ABCA1: variants seen among roughly 807,000 people sequenced by gnomAD.
The protein encoded by ABCA1 is ATP binding cassette subfamily A member 1.
ABCA1 carries 133 observed loss-of-function variants against 262.5 expected under a neutral mutation model. The observed-to-expected ratio is 0.51, with a 90% confidence interval of 0.44 to 0.59. The LOEUF is 0.59. Among genes scored for constraint, ABCA1 ranks in the 20% least tolerant of loss-of-function variants. The probability of loss-of-function intolerance (pLI) is 0.00; values close to 1 mark genes in which losing one functional copy is unlikely to be tolerated. For missense variants in ABCA1, 2,452 were observed against 2,777.5 expected, an observed-to-expected ratio of 0.88 and a Z score of 2.63; for synonymous variants, 1,022 against 1,043.5, an observed-to-expected ratio of 0.98 and a Z score of 0.40.
In ABCA1 at chr9:104,832,151, C is replaced by A. The variant is rs554031012; in HGVS notation, c.1510-324G>T. Among the ~76,000 whole-genome samples the A allele has an allele frequency of 2.6e-3, 389 of 152,210 alleles. 1 individual carries two copies. Among genetic ancestry groups the A allele is most frequent in the Non-Finnish European group, 4.0e-3 (270 of 67,996 alleles). On this transcript the variant is annotated intron_variant, in intron 12 of 49. Transcript: ENST00000374736. ...ATAGCAACTAACCAACCAACCAGAC[C>A]AAAACACCTCTTACCCATCCCTACT...
At chr9:104,810,772 C>G (rs368312155) in intron 29 of ABCA1, 28 bp downstream of exon 29, 98 of 1,614,030 alleles carry the variant, frequency 6.1e-5, no homozygotes, top group Middle Eastern at 1.6e-4. Flanking sequence ...AATCTTACCC[C>G]CTCCTGGGAT....
At position 104,822,468 on chromosome 9, in the gene ABCA1, T is replaced by C. The variant is rs754082628; in HGVS notation, c.2828+28A>G. 2.9e-5 allele frequency: 47 copies of C among 1,612,470 alleles called. No individual in the cohort carries two copies. In the South Asian group the frequency reaches 4.7e-4, roughly 16 times the overall value. ...TACTGCAGAACCCTCCTGTGGCTGA[T>C]TCTGCGGGAACCACACCCTCTTCTT... On this transcript the variant is annotated intron_variant, in intron 19 of 49. Transcript: ENST00000374736.
chr9:104,807,061 T>G (rs559060127), intron 30 of ABCA1, among the ~76,000 whole-genome samples: 2 of 152,132 alleles, frequency 1.3e-5, no homozygotes, highest in Non-Finnish European at 2.9e-5. Context: ...TTCTATTTTT[T>G]AGGAATAATA....
chr9:104,801,550 T>A (rs1192588194), intron 34 of ABCA1, among the ~76,000 whole-genome samples: 2 of 149,672 alleles, frequency 1.3e-5, no homozygotes, highest in Non-Finnish European at 3.0e-5. Context: ...TGGATTTAAT[T>A]TGTTTTTTGA....
In ABCA1 at chr9:104,831,728, C is replaced by T. The variant is rs2119006674; in HGVS notation, c.1609G>A (p.Val537Met). Residue 537 changes from valine (V) to methionine (M), a missense_variant, in exon 13 of 50, where the codon GTG (valine) becomes ATG (methionine). Physicochemically the swap from Val to Met is conservative, Grantham distance 21 (BLOSUM62 1). Coordinates refer to ENST00000374736, the MANE Select transcript of ABCA1 (RefSeq NM_005502.4). ...LDERKFWAGI[V>M]FTGITPGSIE... ...CTGCCTGGAGTAATTCCAGTGAACA[C>T]AATACCAGCCCAGAACTTCCTCTCA... 1 of 1,614,188 alleles carries T rather than the reference C, an allele frequency of 6.2e-7. No homozygotes were observed. The highest frequency in any genetic ancestry group is 1.1e-5 in the South Asian group (1 of 91,086).
chr9:104,913,321 A>G (rs1225526348), intron 1 of ABCA1, among the ~76,000 whole-genome samples: 2 of 152,194 alleles, frequency 1.3e-5, no homozygotes, highest in Non-Finnish European at 2.9e-5. Context: ...GCTGGGTTTG[A>G]ATCCTGACTC....
chr9:104,876,397 G>T (rs926089732), intron 5 of ABCA1, among the ~76,000 whole-genome samples: 1 of 152,164 alleles, frequency 6.6e-6, no homozygotes, highest in Non-Finnish European at 1.5e-5. Flanking sequence ...TCCCAACTAT[G>T]AGCCAAGTAG....
intron 18 of ABCA1, among the ~76,000 whole-genome samples, chr9:104,823,614 T>C (rs903209537): frequency 6.6e-6 from 1 of 151,952 alleles, no homozygotes; most frequent in African/African-American, 2.4e-5. Flanking sequence ...GGGGAGGGGA[T>C]CCGGAACTAG....
Position 104,794,500 on chromosome 9 carries a change from T to C in ABCA1, c.5393A>G (p.Asn1798Ser). ...LELFTDNKLNNINDILKSVFL... is the reference protein window; with the variant it reads ...LELFTDNKLNSINDILKSVFL... Reference sequence around the variant, plus strand: ...CACGGACTTCAGGATATCATTGATATTATTCAGCTTCTAAAAAAAAAAAAA... The same window carrying C: ...CACGGACTTCAGGATATCATTGATACTATTCAGCTTCTAAAAAAAAAAAAA... The change falls in exon 40 of 50, where the codon AAT (asparagine) becomes AGT (serine). Residue 1798 changes from asparagine to serine, a missense_variant. Transcript: ENST00000374736. 6.4e-7 allele frequency: 1 copy of C among 1,567,454 alleles called. No homozygotes were observed. The highest frequency in any genetic ancestry group is 8.6e-7 in the Non-Finnish European group (1 of 1,160,656).
rs747424713 is a variant in ABCA1 at position 104,788,536 on chromosome 9, T to G, written c.5959A>C (p.Asn1987His). 1.9e-6 allele frequency: 3 copies of G among 1,614,088 alleles called. No individual in the cohort carries two copies. Among genetic ancestry groups the G allele is most frequent in the Non-Finnish European group, 2.5e-6 (3 of 1,180,032 alleles). ...TCAAACTGAGGGCAGTAGCCCATGT[T>G]CTGATGTACTTCATGGATGTTTGAT... Reference protein sequence around the residue: ...ILSNIHEVHQNMGYCPQFDAI... With the variant: ...ILSNIHEVHQHMGYCPQFDAI... The change falls in exon 45 of 50, where the codon AAC becomes CAC. Residue 1987 changes from asparagine to histidine, a missense_variant. Asn to His is a moderately conservative substitution (Grantham distance 68). Transcript: ENST00000374736.
chr9:104,883,268 C>T, intron 4 of ABCA1, 111 bp from the exon 5 acceptor site: 1 of 932,818 alleles, frequency 1.1e-6, no homozygotes, highest in Admixed American at 1.7e-5. Context: ...CCAGGTCCTC[C>T]ACAGGCTGGC....
intron 5 of ABCA1, among the ~76,000 whole-genome samples, chr9:104,866,075 A>G (rs1419731309): frequency 6.6e-6 from 1 of 152,214 alleles, no homozygotes; most frequent in African/African-American, 2.4e-5. Flanking sequence ...AAAAATCCCT[A>G]GAAGTGGCTG....
intron 2 of ABCA1, among the ~76,000 whole-genome samples, chr9:104,898,016 A>G (rs370314288): frequency 2.0e-5 from 3 of 152,254 alleles, no homozygotes; most frequent in Admixed American, 1.3e-4. Context: ...TACTTTCAAA[A>G]CTATAAAACA....
chr9:104,902,991 T>G (rs1250102438), intron 2 of ABCA1, among the ~76,000 whole-genome samples: 1 of 152,154 alleles, frequency 6.6e-6, no homozygotes, highest in Non-Finnish European at 1.5e-5. Context: ...CGTCTGAGTT[T>G]CAGGGAGTTC....
At chr9:104,907,953 T>C (rs1366583786) in intron 1 of ABCA1, among the ~76,000 whole-genome samples, 4 of 152,204 alleles carry the variant, frequency 2.6e-5, no homozygotes, top group Admixed American at 1.3e-4. Context: ...CTGGAAACCT[T>C]TGGCCAATTT....
intron 44 of ABCA1, among the ~76,000 whole-genome samples, chr9:104,789,026 T>C (rs776886699): frequency 5.3e-5 from 8 of 152,298 alleles, no homozygotes; most frequent in Non-Finnish European, 1.0e-4. Context: ...TGGGGTGGCT[T>C]TGGGGTTCTA....
chr9:104,825,081 T>C (rs907227097), intron 17 of ABCA1, among the ~76,000 whole-genome samples: 12 of 152,226 alleles, frequency 7.9e-5, no homozygotes, highest in African/African-American at 1.9e-4. Context: ...AGATGTATTA[T>C]ATTAAGAAAG....
intron 1 of ABCA1, among the ~76,000 whole-genome samples, chr9:104,914,668 C>A (rs1196333750): frequency 6.6e-6 from 1 of 152,106 alleles, no homozygotes; most frequent in Non-Finnish European, 1.5e-5. Context: ...TACACTGAAC[C>A]CACAATGACG....
intron 39 of ABCA1, 47 bp downstream of exon 39, chr9:104,796,006 C>G (rs1829864682): frequency 1.2e-6 from 2 of 1,610,910 alleles, no homozygotes; most frequent in Non-Finnish European, 1.7e-6. Flanking sequence ...TCCTCTGGCT[C>G]CCAGAGATGC....
Sources: allele counts gnomAD v4.1 joint callset (sites outside exome capture counted in the v4.1 genomes callset), GRCh38; gene constraint gnomAD v4.1.1; transcripts MANE v1.5; gene names NCBI Gene and HGNC (gene_info 2026-07-23, HGNC 2026-07-21).